The following PHKB variants were observed in gnomAD, a reference collection of about 807,000 sequenced individuals.
PHKB encodes the protein phosphorylase kinase regulatory subunit beta.
PHKB carries 122 observed loss-of-function variants against 152.1 expected under a neutral mutation model. The observed-to-expected ratio is 0.80, with a 90% CI of 0.69 to 0.93. The LOEUF is 0.93. PHKB is among the 40% of genes least tolerant of loss of function. PHKB has a pLI of 0.00. For synonymous variants in PHKB, 436 were observed against 464.9 expected (o/e 0.94, Z 0.80); for missense variants, 1,304 against 1,328.4 (o/e 0.98, Z 0.29).
chr16:47,682,484 A>G lies in PHKB; in HGVS notation c.2631-6557A>G, dbSNP rs1470695379. ...TTTCTTTTTATTCTCTTTTCTCTAA[A>G]CTTCTCTTCTCGCTTCATTTCATTC... On this transcript the variant is annotated intron_variant, in intron 26 of 30. Transcript: ENST00000323584. Among the ~76,000 whole-genome samples the G allele has an allele frequency of 2.6e-5, 4 of 151,692 alleles. No individual in the cohort carries two copies. The East Asian group carries it at 7.7e-4, about 29-fold the overall frequency.
At chr16:47,566,688 C>T (rs932143666) in intron 7 of PHKB, 25 of 818,664 alleles carry the variant, frequency 3.1e-5, no homozygotes, top group East Asian at 9.8e-5. Flanking sequence ...AAGGATGGAA[C>T]GGTCAATTGG....
At chr16:47,500,004 G>A (rs904763381) in intron 3 of PHKB, 110 bp downstream of exon 3, 88 of 1,202,228 alleles carry the variant, frequency 7.3e-5, no homozygotes, top group African/African-American at 1.2e-4. Context: ...CTCACTGTGC[G>A]ACCTATGACT....
intron 10 of PHKB, among the ~76,000 whole-genome samples, 175 bp downstream of exon 10, chr16:47,589,277 C>T (rs1463782651): frequency 6.6e-6 from 1 of 152,098 alleles, no homozygotes; most frequent in East Asian, 1.9e-4. Context: ...AATAATAGTA[C>T]CTATATCATG....
chr16:47,595,769 T>C (rs1433399744), intron 12 of PHKB, among the ~76,000 whole-genome samples: 1 of 152,222 alleles, frequency 6.6e-6, no homozygotes, highest in Non-Finnish European at 1.5e-5. Context: ...AGGGAGATTA[T>C]GTACTCATTG....
intron 28 of PHKB, among the ~76,000 whole-genome samples, chr16:47,695,360 A>G (rs890468119): frequency 2.0e-5 from 3 of 152,238 alleles, no homozygotes; most frequent in African/African-American, 7.2e-5. Flanking sequence ...GATCTAGCCA[A>G]TTATAACTGT....
intron 26 of PHKB, among the ~76,000 whole-genome samples, chr16:47,673,972 T>C (rs960053052): frequency 1.3e-5 from 2 of 152,194 alleles, no homozygotes; most frequent in Admixed American, 6.6e-5. Flanking sequence ...TTCTTATTCT[T>C]CAGTCTTGAG....
intron 13 of PHKB, chr16:47,598,118 A>G (rs1972155790): frequency 6.6e-6 from 1 of 152,238 alleles, no homozygotes. Context: ...ATAATTATAT[A>G]TTTAAATTTT....
intron 29 of PHKB, among the ~76,000 whole-genome samples, chr16:47,697,621 C>T (rs1294768420): frequency 6.6e-6 from 1 of 152,236 alleles, no homozygotes; most frequent in Non-Finnish European, 1.5e-5. Flanking sequence ...CTTTCAGGTT[C>T]TGTTTTTGAA....
At chr16:47,517,758 T>A (rs935333231) in intron 6 of PHKB, among the ~76,000 whole-genome samples, 98 of 152,266 alleles carry the variant, frequency 6.4e-4, no homozygotes, top group Admixed American at 2.8e-3. Flanking sequence ...CTGCTTTTTT[T>A]AAAAAAATTT....
rs369561666 is a variant in PHKB, at chr16:47,495,318, A to G, written c.77-2081A>G. Among the ~76,000 whole-genome samples the G allele has an allele frequency of 3.9e-5, 6 of 151,998 alleles. No homozygotes were observed. In the East Asian group the frequency reaches 1.2e-3, roughly 29 times the overall value. ...TCTTGGTATAAATATCATCAAAACAATCTCTCAAAATCAATTCACCTACCA... is the reference window on the plus strand; with the variant it reads ...TCTTGGTATAAATATCATCAAAACAGTCTCTCAAAATCAATTCACCTACCA... On this transcript the variant is annotated intron_variant, in intron 1 of 30. Coordinates refer to ENST00000323584, the MANE Select transcript of PHKB (RefSeq NM_000293.3).
At position 47,589,091 on chromosome 16, in the gene PHKB, G is replaced by A; in HGVS notation, c.1057G>A (p.Ala353Thr). 1 of 1,610,524 alleles carries A rather than the reference G, an allele frequency of 6.2e-7. No individual in the cohort carries two copies. Among genetic ancestry groups the A allele is most frequent in the Non-Finnish European group, 8.5e-7 (1 of 1,176,912 alleles). The change falls in exon 10 of 31, where the codon GCT (alanine) becomes ACT (threonine). Residue 353 changes from alanine (A) to threonine (T), a missense_variant. Physicochemically the swap from Ala to Thr is moderately conservative, Grantham distance 58. Coordinates refer to ENST00000323584, the MANE Select transcript of PHKB (RefSeq NM_000293.3). ...TCCCAACAGATGCTACTACAAGCCA[G>A]CTGAAATTAAGGTATTAAAAAATAT... Reference protein sequence around the residue: ...EDPNRCYYKPAEIKLFDGIEC... With the variant: ...EDPNRCYYKPTEIKLFDGIEC...
chr16:47,573,712 G>C (rs571062740), intron 7 of PHKB, among the ~76,000 whole-genome samples: 2 of 152,260 alleles, frequency 1.3e-5, no homozygotes, highest in African/African-American at 4.8e-5. Flanking sequence ...CTGCCTCTGT[G>C]GCAAAAGCCT....
chr16:47,662,695 G>T (rs1422459330), intron 23 of PHKB, among the ~76,000 whole-genome samples: 1 of 152,100 alleles, frequency 6.6e-6, no homozygotes, highest in Admixed American at 6.5e-5. Flanking sequence ...GGAACTTTTA[G>T]CAAATTTCAA....
rs781150371 is a variant in PHKB, at chr16:47,503,028, G to A, written c.343G>A (p.Glu115Lys). The A allele has an allele frequency of 6.2e-7, 1 of 1,613,494 alleles. No individual in the cohort carries two copies. Among genetic ancestry groups the A allele is most frequent in the Non-Finnish European group, 8.5e-7 (1 of 1,179,386 alleles). The change falls in exon 4 of 31, where the codon GAG (glutamate) becomes AAG (lysine). Residue 115 changes from glutamate (E) to lysine (K), a missense_variant. By Grantham distance (56) the Glu-to-Lys change is moderately conservative (BLOSUM62 1). Transcript: ENST00000323584. The part of the protein sequence containing the change: ...DDDKGRTHEL[E>K]HSAIKCMRGI... ...TGACAAGGGAAGGACCCATGAGCTG[G>A]AGCACTCAGCTATAAAATGCATGAG...
At chr16:47,587,638 T>C in intron 8 of PHKB, 30 bp from the exon 9 acceptor site, 1 of 1,540,880 alleles carries the variant, frequency 6.5e-7, no homozygotes, top group East Asian at 2.2e-5. Context: ...TTTCTTAATT[T>C]AGGAAATGTT....
chr16:47,607,702 G>A (rs1256573660), intron 13 of PHKB, among the ~76,000 whole-genome samples: 2 of 152,184 alleles, frequency 1.3e-5, no homozygotes, highest in Non-Finnish European at 2.9e-5. Context: ...ACCTAGGCAT[G>A]TAATTGCTGG....
chr16:47,633,981 G>C (rs1567335322), intron 14 of PHKB, among the ~76,000 whole-genome samples: 1 of 152,208 alleles, frequency 6.6e-6, no homozygotes, highest in African/African-American at 2.4e-5. Flanking sequence ...AATGGGCAAA[G>C]GCAAGTGTGG....
chr16:47,547,388 C>T (rs763189189), intron 6 of PHKB, 45 bp from the exon 7 acceptor site: 1 of 1,198,904 alleles, frequency 8.3e-7, no homozygotes, highest in South Asian at 1.2e-5. Context: ...CGGCCTATGT[C>T]CTGTTATTGA....
At chr16:47,689,677 T>C (rs1444267885) in intron 27 of PHKB, among the ~76,000 whole-genome samples, 2 of 152,232 alleles carry the variant, frequency 1.3e-5, no homozygotes, top group Non-Finnish European at 2.9e-5. Context: ...CTTGAAGAAC[T>C]TTTTTATTAC....
Sources: gnomAD v4.1 joint callset for allele counts (sites outside exome capture counted in the v4.1 genomes callset) on GRCh38, gnomAD v4.1.1 for gene constraint, MANE v1.5 for transcripts, NCBI Gene and HGNC (gene_info 2026-07-23, HGNC 2026-07-21) for gene names.